The following COL6A6 variants were observed in gnomAD, a reference collection of about 807,000 sequenced individuals.
The protein encoded by COL6A6 is collagen type VI alpha 6 chain, also known as collagen alpha-6(VI) chain.
COL6A6 carries 183 observed loss-of-function variants against 208.6 expected under a neutral mutation model. The ratio of observed to expected loss-of-function variants is 0.88; its 90% confidence interval spans 0.78 to 0.99. The LOEUF is 0.99. COL6A6 is among the 50% of genes least tolerant of loss of function. The pLI is 0.00. For synonymous variants in COL6A6, 973 were observed against 1,011.8 expected (o/e 0.96, Z 0.73); for missense variants, 2,816 against 2,815.2 (o/e 1.00, Z -0.01).
At chr3:130,599,208 C>T (rs2063934271) in intron 19 of COL6A6, among the ~76,000 whole-genome samples, 1 of 152,166 alleles carries the variant, frequency 6.6e-6, no homozygotes, top group South Asian at 2.1e-4. Context: ...TAAATATTAT[C>T]TGCCATTATT....
rs552445148 is a variant in COL6A6 at position 130,659,304 on chromosome 3, C to T, written c.5830+532C>T. On this transcript the variant is annotated intron_variant, in intron 34 of 36. Transcript: ENST00000358511. ...GTTGATTTATTTGTAGTGTTTTATA[C>T]GTAATGTATAGGTCTAACTAGAAAA... 2.1e-4 allele frequency among the ~76,000 whole-genome samples: 32 copies of T among 152,202 alleles called. 1 individual carries two copies. Among genetic ancestry groups the T allele is most frequent in the African/African-American group, 6.7e-4 (28 of 41,540 alleles).
chr3:130,623,797 C>T (rs1378860469), intron 24 of COL6A6, among the ~76,000 whole-genome samples: 1 of 152,080 alleles, frequency 6.6e-6, no homozygotes, highest in Non-Finnish European at 1.5e-5. Context: ...AAAAATAACT[C>T]TTGGTGATGC....
chr3:130,604,519 T>C (rs867297132), intron 20 of COL6A6, among the ~76,000 whole-genome samples: 12 of 150,754 alleles, frequency 8.0e-5, no homozygotes, highest in African/African-American at 2.9e-4. Context: ...AAAAATTCCA[T>C]GTAACCATTA....
At chr3:130,556,225 G>A (rs1303454756) in intron 1 of COL6A6, among the ~76,000 whole-genome samples, 3 of 152,154 alleles carry the variant, frequency 2.0e-5, no homozygotes, top group Admixed American at 2.0e-4. Flanking sequence ...TTTATATACT[G>A]TGGGAGTTAA....
At chr3:130,654,162 G>A (rs1400040228) in intron 33 of COL6A6, among the ~76,000 whole-genome samples, 1 of 152,214 alleles carries the variant, frequency 6.6e-6, no homozygotes, top group Non-Finnish European at 1.5e-5. Flanking sequence ...ATGGAAGGTA[G>A]CCCTTGTTTG....
At chr3:130,660,933 T>G (rs2065916343) in intron 34 of COL6A6, among the ~76,000 whole-genome samples, 1 of 152,250 alleles carries the variant, frequency 6.6e-6, no homozygotes, top group Non-Finnish European at 1.5e-5. Flanking sequence ...CATTTCCATT[T>G]TTTTATTCCT....
intron 33 of COL6A6, among the ~76,000 whole-genome samples, chr3:130,652,830 G>A (rs556741675): frequency 6.6e-6 from 1 of 152,232 alleles, no homozygotes. Flanking sequence ...TAAAACCCTA[G>A]TTTGTTTCAT....
intron 33 of COL6A6, among the ~76,000 whole-genome samples, chr3:130,651,290 G>A (rs1576400533): frequency 1.3e-5 from 2 of 152,220 alleles, no homozygotes; most frequent in South Asian, 2.1e-4. Context: ...GCCAGGCACA[G>A]TGGCGTGTGC....
At chr3:130,652,907 C>T (rs577150225) in intron 33 of COL6A6, among the ~76,000 whole-genome samples, 15 of 152,246 alleles carry the variant, frequency 9.9e-5, no homozygotes, top group African/African-American at 3.4e-4. Flanking sequence ...AAATTTGGTA[C>T]CTGTGCAGCC....
At chr3:130,583,567 A>G (rs1405612911) in intron 10 of COL6A6, among the ~76,000 whole-genome samples, 1 of 152,228 alleles carries the variant, frequency 6.6e-6, no homozygotes, top group African/African-American at 2.4e-5. Context: ...TTCAGAAGCT[A>G]TATTTTGAAT....
chr3:130,547,054 C>A (rs533210191), intron 1 of COL6A6, among the ~76,000 whole-genome samples: 1 of 152,280 alleles, frequency 6.6e-6, no homozygotes, highest in Non-Finnish European at 1.5e-5. Context: ...CAGTCCTGCG[C>A]GGCCTGCCTG....
intron 2 of COL6A6, among the ~76,000 whole-genome samples, chr3:130,562,737 A>G (rs931787834): frequency 6.6e-6 from 1 of 152,220 alleles, no homozygotes; most frequent in African/African-American, 2.4e-5. Flanking sequence ...CAAAAGGTAT[A>G]AAACCCATGA....
At chr3:130,567,458 A>G (rs1021917932) in intron 5 of COL6A6, among the ~76,000 whole-genome samples, 196 bp downstream of exon 5, 1 of 152,202 alleles carries the variant, frequency 6.6e-6, no homozygotes, top group African/African-American at 2.4e-5. Flanking sequence ...CATAAGAAAA[A>G]TATTTGGAGG....
At chr3:130,654,032 T>C (rs78770541) in intron 33 of COL6A6, among the ~76,000 whole-genome samples, 474 of 152,320 alleles carry the variant, frequency 3.1e-3, no homozygotes, top group Non-Finnish European at 5.0e-3. Context: ...ACATGTAGAA[T>C]AGAAGACTAA....
Position 130,565,232 on chromosome 3 carries a change from T to A in COL6A6, c.900T>A (p.Ser300=). 6.2e-7 allele frequency: 1 copy of A among 1,613,998 alleles called. No individual in the cohort carries two copies. The highest frequency in any genetic ancestry group is 1.3e-5 in the African/African-American group (1 of 75,044). The part of the protein sequence containing the change: ...SEVLQHIQNL[S]PRTGKAYTGA... ...TTCTCCAGCATATACAGAACCTTTC[T>A]CCCCGAACTGGGAAGGCCTATACTG... Residue 300 remains serine, a synonymous_variant, in exon 4 of 37, where the codon TCT becomes TCA. Coordinates refer to ENST00000358511, the MANE Select transcript of COL6A6 (RefSeq NM_001102608.3).
intron 1 of COL6A6, among the ~76,000 whole-genome samples, chr3:130,555,539 G>A (rs1178263491): frequency 6.6e-6 from 1 of 151,962 alleles, no homozygotes; most frequent in Non-Finnish European, 1.5e-5. Context: ...TTCAATCTTT[G>A]TGGCTTTAAA....
In COL6A6 at chr3:130,582,071, A is replaced by C. The variant is rs150711678; in HGVS notation, c.3970+3A>C. ...ATCTGATGAACTTAGAAAAGAAGGT[A>C]CTGAGTATGGAGAAGTGGGAAGGGA... On this transcript the variant is annotated splice_donor_region_variant and intron_variant, in intron 10 of 36. Transcript: ENST00000358511. The C allele has an allele frequency of 3.1e-4, 488 of 1,561,444 alleles. 4 individuals are homozygous for C. The African/African-American group carries it at 5.9e-3, about 19-fold the overall frequency.
chr3:130,647,343 C>T (rs59483073), intron 32 of COL6A6, among the ~76,000 whole-genome samples: 15,231 of 152,094 alleles, frequency 0.1, 894 homozygotes, highest in East Asian at 0.18. Flanking sequence ...AACCTTCACC[C>T]ACCCTTCTCT....
intron 17 of COL6A6, 138 bp from the exon 18 acceptor site, chr3:130,594,143 T>G (rs901536726): frequency 1.4e-6 from 1 of 691,274 alleles, no homozygotes; most frequent in African/African-American, 1.8e-5. Context: ...TTTTTTCGGT[T>G]GTTCATCTTT....
Sources: gnomAD v4.1 joint callset for allele counts (sites outside exome capture counted in the v4.1 genomes callset) on GRCh38, gnomAD v4.1.1 for gene constraint, MANE v1.5 for transcripts, NCBI Gene and HGNC (gene_info 2026-07-23, HGNC 2026-07-21) for gene names.